The following SNX16 variants were observed in gnomAD, a reference collection of about 807,000 sequenced individuals.
SNX16 encodes sorting nexin-16.
A neutral mutation model predicts 36.7 loss-of-function variants in SNX16; 35 were observed. That is an observed-to-expected ratio of 0.95 (90% CI 0.73 to 1.27). The LOEUF (loss-of-function observed/expected upper bound fraction) is 1.27. Ranked by LOEUF, SNX16 falls within the 50% of genes most tolerant of loss-of-function variation. The pLI is 0.00. For synonymous variants in SNX16, 134 were observed against 132.0 expected (o/e 1.02, Z -0.10); for missense variants, 367 against 393.6 (o/e 0.93, Z 0.57).
intron 5 of SNX16, chr8:81,808,138 G>A (rs917987825): frequency 4.2e-5 from 53 of 1,272,172 alleles, no homozygotes; most frequent in Non-Finnish European, 5.4e-5. Context: ...TCACCTAAGA[G>A]ATTATTTTGA....
intron 5 of SNX16, among the ~76,000 whole-genome samples, chr8:81,803,659 T>A (rs766500800): frequency 6.6e-6 from 1 of 152,038 alleles, no homozygotes; most frequent in South Asian, 2.1e-4. Flanking sequence ...GACATACTAC[T>A]GTAACAGCAT....
Position 81,808,923 on chromosome 8 carries a change from T to A in SNX16, c.682-5695A>T, listed in dbSNP as rs1810098105. Among the ~76,000 whole-genome samples the A allele has an allele frequency of 1.3e-5, 2 of 151,874 alleles. 1 individual carries two copies. The highest frequency in any genetic ancestry group is 4.1e-4 in the South Asian group (2 of 4,828). On this transcript the variant is annotated intron_variant, in intron 5 of 7. Coordinates refer to ENST00000345957, the MANE Select transcript of SNX16 (RefSeq NM_152836.3). ...AGGACTGTATTTCTGACTAATTGTA[T>A]AACAGGTTATTTTAGTTTCTGTTCT...
chr8:81,824,574 T>G (rs1282791810), intron 3 of SNX16, among the ~76,000 whole-genome samples: 1 of 152,170 alleles, frequency 6.6e-6, no homozygotes, highest in African/African-American at 2.4e-5. Context: ...AAGATTTTCT[T>G]CTATGTGTCT....
chr8:81,802,330 T>C, intron 7 of SNX16, 50 bp downstream of exon 7: 1 of 1,489,796 alleles, frequency 6.7e-7, no homozygotes, highest in Non-Finnish European at 9.0e-7. Context: ...TAGAATCACT[T>C]TCCTCCAATT....
chr8:81,802,634 C>G (rs1167963676), intron 6 of SNX16, 135 bp from the exon 7 acceptor site: 2 of 582,568 alleles, frequency 3.4e-6, no homozygotes, highest in Non-Finnish European at 5.5e-6. Flanking sequence ...AAATAGCTCA[C>G]TTTGGAAGTC....
intron 3 of SNX16, among the ~76,000 whole-genome samples, chr8:81,827,237 CA>C (rs1234681190): frequency 2.0e-5 from 3 of 151,888 alleles, no homozygotes; most frequent in African/African-American, 7.3e-5. Context: ...GAAAATACTT[CA>C]GCAATAAAGA....
At chr8:81,815,301 T>C in intron 5 of SNX16, 24 bp downstream of exon 5, 1 of 1,558,436 alleles carries the variant, frequency 6.4e-7, no homozygotes, top group Non-Finnish European at 8.8e-7. Flanking sequence ...CCTCTTTTCA[T>C]GTGCTATATA....
chr8:81,841,654 A>C (rs1811783337), intron 1 of SNX16: 1 of 152,302 alleles, frequency 6.6e-6, no homozygotes, highest in Non-Finnish European at 1.5e-5. Flanking sequence ...AAACAAACAA[A>C]CAAAAAAACG....
At chr8:81,806,765 T>A (rs2600599) in intron 5 of SNX16, among the ~76,000 whole-genome samples, 37,698 of 151,948 alleles carry the variant, frequency 0.25, 5,229 homozygotes, top group East Asian at 0.37. Context: ...ATTACCGATA[T>A]GGAAAATCCA....
chr8:81,806,545 C>T (rs1487705589), intron 5 of SNX16, among the ~76,000 whole-genome samples: 1 of 152,130 alleles, frequency 6.6e-6, no homozygotes, highest in Non-Finnish European at 1.5e-5. Flanking sequence ...CAACATAACT[C>T]ACAACTACCA....
At position 81,802,472 on chromosome 8, in the gene SNX16, T is replaced by A. The variant is rs1362949508; in HGVS notation, c.846A>T (p.Ser282=). The change falls in exon 7 of 8, where the codon TCA becomes TCT. Residue 282 remains serine, a synonymous_variant. Transcript: ENST00000345957. ...CACCTTCTGTTTCTGACACATCCAG[T>A]GATTCTTCAGGTTCTAAAGACAATG... ...IRTLSLEPEE[S]LDVSETEGEQ... is the part of the protein sequence containing the mutation. The A allele has an allele frequency of 6.2e-7, 1 of 1,609,236 alleles. No individual in the cohort carries two copies. Among genetic ancestry groups the A allele is most frequent in the East Asian group, 2.2e-5 (1 of 44,570 alleles).
In SNX16 at chr8:81,802,007, G is replaced by A. The variant is rs199886944; in HGVS notation, c.938+373C>T. 4.6e-5 allele frequency among the ~76,000 whole-genome samples: 7 copies of A among 151,578 alleles called. No homozygotes were observed. The East Asian group carries it at 1.4e-3, about 29-fold the overall frequency. On this transcript the variant is annotated intron_variant, in intron 7 of 7. Transcript: ENST00000345957. ...TCATTCCTATTAGGTAAGAAGGGTG[G>A]TTTGCTATTATATTATAGTAGCCTA...
chr8:81,815,468 T>C (rs953007949), intron 4 of SNX16, 74 bp from the exon 5 acceptor site: 6 of 1,251,228 alleles, frequency 4.8e-6, no homozygotes, highest in African/African-American at 4.4e-5. Flanking sequence ...AAAAGTTACT[T>C]TGAAGCTGTA....
chr8:81,840,216 G>C (rs1811682764), intron 1 of SNX16, 134 bp from the exon 2 acceptor site: 1 of 430,324 alleles, frequency 2.3e-6, no homozygotes, highest in African/African-American at 2.0e-5. Context: ...CCTTCTCCCA[G>C]TTGTCTTTAA....
chr8:81,840,220 T>C, intron 1 of SNX16, 138 bp from the exon 2 acceptor site: 1 of 417,820 alleles, frequency 2.4e-6, no homozygotes, highest in Non-Finnish European at 4.2e-6. Flanking sequence ...CTCCCAGTTG[T>C]CTTTAAGGAC....
intron 1 of SNX16, chr8:81,840,286 C>G (rs1380896664): frequency 4.2e-6 from 1 of 238,218 alleles, no homozygotes; most frequent in Non-Finnish European, 8.2e-6. Context: ...TCCTTGACTC[C>G]ATGTTACATG....
intron 4 of SNX16, among the ~76,000 whole-genome samples, chr8:81,817,182 C>T (rs1003821834): frequency 6.6e-6 from 1 of 152,132 alleles, no homozygotes; most frequent in Admixed American, 6.5e-5. Flanking sequence ...TTAATACTTT[C>T]AGTATATGAC....
At position 81,801,453 on chromosome 8, in the gene SNX16, TA is replaced by T; in HGVS notation, c.*43del. 1 of 1,206,996 alleles carries T rather than the reference TA, an allele frequency of 8.3e-7. No individual in the cohort carries two copies. The highest frequency in any genetic ancestry group is 1.2e-6 in the Non-Finnish European group (1 of 852,656). 74.8% of individuals were successfully genotyped at this position (1,206,996 alleles called of 1,614,324 possible). A position where few individuals can be genotyped will look rare whatever the true frequency, so the allele number is the denominator to read the frequency against. On this transcript the variant is annotated 3_prime_UTR_variant, in exon 8 of 8. Coordinates refer to ENST00000345957, the MANE Select transcript of SNX16 (RefSeq NM_152836.3). ...TTTAAAATAGTATTTGCCACTCTTC[TA>T]AATTTTTGAATAGTCTAAATGGAGG... is the stretch of plus-strand genomic sequence containing the variant.
intron 4 of SNX16, among the ~76,000 whole-genome samples, chr8:81,820,321 G>A (rs1179668326): frequency 6.6e-6 from 1 of 151,990 alleles, no homozygotes; most frequent in Non-Finnish European, 1.5e-5. Context: ...GCTTTTGTCT[G>A]ATGAACTACC....
Sources: gnomAD v4.1 joint callset for allele counts (sites outside exome capture counted in the v4.1 genomes callset) on GRCh38, gnomAD v4.1.1 for gene constraint, MANE v1.5 for transcripts, NCBI Gene and HGNC (gene_info 2026-07-23, HGNC 2026-07-21) for gene names.